Variants in PLA2G4A observed in about 807,000 individuals in gnomAD.
PLA2G4A encodes phospholipase A2 group IVA.
Under a neutral mutation model 81.9 loss-of-function variants are expected in PLA2G4A, and 40 were observed. That is an observed-to-expected ratio of 0.49 (90% confidence interval 0.38 to 0.64). The LOEUF is 0.64. Ranked by LOEUF, PLA2G4A falls within the 30% of genes least tolerant of loss-of-function variation. The pLI is 0.00. For missense variants in PLA2G4A, 715 were observed against 905.1 expected (o/e 0.79, Z 2.69); for synonymous variants, 302 against 296.9 (o/e 1.02, Z -0.18).
At chr1:186,870,664 C>T (rs1417257879) in intron 3 of PLA2G4A, 148 bp downstream of exon 3, 1 of 1,350,240 alleles carries the variant, frequency 7.4e-7, no homozygotes, top group African/African-American at 1.5e-5. Context: ...TCAAACAGTT[C>T]TCTGATGCTA....
intron 6 of PLA2G4A, among the ~76,000 whole-genome samples, chr1:186,909,580 A>G (rs12720561): frequency 0.013 from 1,907 of 150,598 alleles, 25 homozygotes; most frequent in Middle Eastern, 0.041. Flanking sequence ...GAATCGCTGG[A>G]ACCCAGGAGG....
chr1:186,988,100 A>G (rs1196765121), intron 17 of PLA2G4A, among the ~76,000 whole-genome samples: 1 of 152,198 alleles, frequency 6.6e-6, no homozygotes, highest in Non-Finnish European at 1.5e-5. Context: ...TTACCATGCT[A>G]CCACTTTATT....
At chr1:186,837,746 AAAAAAAG>A (rs1369829471) in intron 1 of PLA2G4A, among the ~76,000 whole-genome samples, 1 of 148,294 alleles carries the variant, frequency 6.7e-6, no homozygotes, top group East Asian at 2.0e-4. Context: ...CAAAAAAAAA[AAAAAAAG>A]AAAAAGAAAA....
intron 15 of PLA2G4A, among the ~76,000 whole-genome samples, chr1:186,972,873 G>A (rs1296086084): frequency 6.6e-6 from 1 of 152,082 alleles, no homozygotes; most frequent in Non-Finnish European, 1.5e-5. Flanking sequence ...ACTAAAAACG[G>A]AAAAAGTATC....
At chr1:186,922,621 A>C (rs1233528037) in intron 7 of PLA2G4A, among the ~76,000 whole-genome samples, 2 of 152,180 alleles carry the variant, frequency 1.3e-5, no homozygotes, top group Non-Finnish European at 2.9e-5. Context: ...CCACCTAAGG[A>C]GCTGCCTCGA....
At position 186,905,698 on chromosome 1, in the gene PLA2G4A, T is replaced by TCACACA. The variant is rs71104895; in HGVS notation, c.379-1248_379-1243dup. Among the ~76,000 whole-genome samples, 1,131 of 148,988 alleles carry TCACACA rather than the reference T, an allele frequency of 7.6e-3. 11 individuals are homozygous for TCACACA. Among genetic ancestry groups the TCACACA allele is most frequent in the African/African-American group, 0.025 (1,007 of 40,742 alleles). ...AGATTGCCTGATGCACTCCTCCTCC[T>TCACACA]CACACACACACACACACACACACAA... On this transcript the variant is annotated intron_variant, in intron 5 of 17. Coordinates refer to ENST00000367466, the MANE Select transcript of PLA2G4A (RefSeq NM_024420.3).
intron 15 of PLA2G4A, among the ~76,000 whole-genome samples, chr1:186,966,118 TAAAAAAAAA>T (rs10609057): frequency 0.02 from 2,373 of 119,524 alleles, 60 homozygotes; most frequent in African/African-American, 0.068. Context: ...GAGTGGAAGT[TAAAAAAAAA>T]AAAAAAAAAA....
chr1:186,834,377 AC>A (rs534261349), intron 1 of PLA2G4A, among the ~76,000 whole-genome samples: 23 of 151,238 alleles, frequency 1.5e-4, no homozygotes, highest in Non-Finnish European at 2.7e-4. Flanking sequence ...GAAAAGTCAA[AC>A]GTTTTTTTCT....
At chr1:186,968,264 T>C (rs1657203652) in intron 15 of PLA2G4A, among the ~76,000 whole-genome samples, 2 of 152,124 alleles carry the variant, frequency 1.3e-5, no homozygotes, top group South Asian at 4.1e-4. Flanking sequence ...CAGTAGTTTT[T>C]AAATGTTGAC....
intron 12 of PLA2G4A, among the ~76,000 whole-genome samples, chr1:186,949,852 T>C (rs970268286): frequency 1.2e-5 from 1 of 85,870 alleles, no homozygotes; most frequent in South Asian, 5.1e-4. Flanking sequence ...TGAGACTTCA[T>C]TTCTACCAAA....
intron 10 of PLA2G4A, among the ~76,000 whole-genome samples, chr1:186,944,171 GGGA>G (rs1286213351): frequency 1.3e-5 from 2 of 152,090 alleles, no homozygotes; most frequent in African/African-American, 4.8e-5. Flanking sequence ...TAAGTATAGT[GGGA>G]GGAGATGACA....
intron 6 of PLA2G4A, among the ~76,000 whole-genome samples, chr1:186,907,563 T>A (rs1043835850): frequency 6.6e-5 from 10 of 152,236 alleles, no homozygotes; most frequent in Non-Finnish European, 1.3e-4. Flanking sequence ...TAGGCAAGTC[T>A]GCCTTGATCT....
chr1:186,968,432 G>GTGTGTGTGTGTGTGTGTT lies in PLA2G4A; in HGVS notation c.1764+2840_1764+2841insGTGTGTGTGTGTGTGTTT, dbSNP rs1307238336. On this transcript the variant is annotated intron_variant, in intron 15 of 17. Transcript: ENST00000367466. ...TGTGTGTGTGTGTGTGTGTGTGTGT[G>GTGTGTGTGTGTGTGTGTT]TATGTGTCTATACCAGGGTCATGTA... is the stretch of plus-strand genomic sequence containing the variant. 2.0e-5 allele frequency among the ~76,000 whole-genome samples: 3 copies of GTGTGTGTGTGTGTGTGTT among 151,194 alleles called. No individual in the cohort carries two copies. In the South Asian group the frequency reaches 6.3e-4, roughly 32 times the overall value.
intron 13 of PLA2G4A, among the ~76,000 whole-genome samples, chr1:186,953,281 C>G (rs905634313): frequency 6.6e-6 from 1 of 152,068 alleles, no homozygotes; most frequent in Non-Finnish European, 1.5e-5. Flanking sequence ...GTAGTAGTAT[C>G]TTTTTATTGT....
intron 8 of PLA2G4A, among the ~76,000 whole-genome samples, chr1:186,936,172 C>T (rs1655936463): frequency 6.6e-6 from 1 of 151,874 alleles, no homozygotes; most frequent in East Asian, 1.9e-4. Flanking sequence ...AGCTCTGCAT[C>T]TATAAACAGT....
At chr1:186,852,674 C>A (rs1017515510) in intron 1 of PLA2G4A, among the ~76,000 whole-genome samples, 5 of 151,900 alleles carry the variant, frequency 3.3e-5, no homozygotes, top group African/African-American at 9.7e-5. Flanking sequence ...AGGTATTAAA[C>A]CCACACATGA....
intron 2 of PLA2G4A, among the ~76,000 whole-genome samples, chr1:186,867,756 A>C (rs1230607523): frequency 1.3e-5 from 2 of 151,982 alleles, no homozygotes; most frequent in Non-Finnish European, 2.9e-5. Context: ...ATGACAGGGA[A>C]ACTCCTTGCC....
At chr1:186,902,643 A>G (rs1654586133) in intron 5 of PLA2G4A, among the ~76,000 whole-genome samples, 1 of 152,132 alleles carries the variant, frequency 6.6e-6, no homozygotes, top group African/African-American at 2.4e-5. Context: ...GCCTTAACTG[A>G]TGACCTTACC....
chr1:186,933,830 G>A (rs1358536200), intron 8 of PLA2G4A, among the ~76,000 whole-genome samples: 3 of 152,136 alleles, frequency 2.0e-5, no homozygotes, highest in African/African-American at 7.2e-5. Flanking sequence ...AGTAGAGCTA[G>A]CATATAAACT....
Sources: gnomAD v4.1 joint callset for allele counts (sites outside exome capture counted in the v4.1 genomes callset) on GRCh38, gnomAD v4.1.1 for gene constraint, MANE v1.5 for transcripts, NCBI Gene and HGNC (gene_info 2026-07-23, HGNC 2026-07-21) for gene names.